RBFOX3: variants seen among roughly 807,000 people sequenced by gnomAD.
RBFOX3 encodes RNA binding protein fox-1 homolog 3.
In RBFOX3, 17 loss-of-function variants were observed where a neutral mutation model predicts 48.7. The observed-to-expected ratio is 0.35, with a 90% CI of 0.24 to 0.52. The LOEUF (loss-of-function observed/expected upper bound fraction) is 0.52. Ranked by LOEUF, RBFOX3 falls within the 20% of genes least tolerant of loss-of-function variation. The probability of loss-of-function intolerance (pLI) is 0.94; values close to 1 mark genes in which losing one functional copy is unlikely to be tolerated. For synonymous variants in RBFOX3, 212 were observed against 209.5 expected, an observed-to-expected ratio of 1.01 and a Z score of -0.10; for missense variants, 382 against 497.5, an observed-to-expected ratio of 0.77 and a Z score of 2.21.
chr17:79,314,220 T>C (rs1259702809), intron 2 of RBFOX3, among the ~76,000 whole-genome samples: 2 of 152,024 alleles, frequency 1.3e-5, no homozygotes, highest in Non-Finnish European at 2.9e-5. Context: ...CTTTCCCGAG[T>C]GACAAAGTAG....
intron 2 of RBFOX3, among the ~76,000 whole-genome samples, chr17:79,427,225 C>T (rs993610064): frequency 5.9e-5 from 9 of 152,184 alleles, no homozygotes; most frequent in African/African-American, 1.9e-4. Context: ...CCAATCTGTC[C>T]GGGGAAGCAG....
intron 1 of RBFOX3, among the ~76,000 whole-genome samples, chr17:79,607,629 G>C (rs2093863856): frequency 6.6e-6 from 1 of 152,176 alleles, no homozygotes; most frequent in Non-Finnish European, 1.5e-5. Flanking sequence ...CTGCGTATAT[G>C]GGGGAGGGGG....
At chr17:79,383,441 C>T (rs1370678884) in intron 2 of RBFOX3, among the ~76,000 whole-genome samples, 1 of 152,256 alleles carries the variant, frequency 6.6e-6, no homozygotes, top group Non-Finnish European at 1.5e-5. Flanking sequence ...CTTGTTTGAT[C>T]AAAGATTTAG....
chr17:79,175,858 C>A (rs1025866489), intron 4 of RBFOX3, among the ~76,000 whole-genome samples: 1 of 152,246 alleles, frequency 6.6e-6, no homozygotes, highest in African/African-American at 2.4e-5. Flanking sequence ...TAAAACCCTG[C>A]CTCAGAGGCT....
chr17:79,645,861 T>C, the RBFOX3 span, among the ~76,000 whole-genome samples: 4 of 152,036 alleles, frequency 2.6e-5, no homozygotes, highest in African/African-American at 9.7e-5. Context: ...GACACCCCCA[T>C]GGAGGGGCCC....
chr17:79,517,898 T>G (rs2149952042), intron 1 of RBFOX3, among the ~76,000 whole-genome samples: 1 of 152,328 alleles, frequency 6.6e-6, no homozygotes, highest in East Asian at 1.9e-4. Context: ...ATCCCTCACC[T>G]TCTTGAAAGC....
chr17:79,186,269 C>A (rs979212441), intron 4 of RBFOX3, among the ~76,000 whole-genome samples: 4 of 152,232 alleles, frequency 2.6e-5, no homozygotes, highest in African/African-American at 9.6e-5. Flanking sequence ...AAAATAATAC[C>A]TCCAGAAAAA....
intron 2 of RBFOX3, among the ~76,000 whole-genome samples, chr17:79,336,428 GA>G (rs34229023): frequency 0.85 from 127,798 of 150,290 alleles, 54,442 homozygotes; most frequent in Non-Finnish European, 0.89. Context: ...AAAATAAATT[GA>G]AAAAAAAAAT....
At chr17:79,620,300 C>A in the RBFOX3 span, among the ~76,000 whole-genome samples, 1 of 151,656 alleles carries the variant, frequency 6.6e-6, no homozygotes, top group East Asian at 2.0e-4. Context: ...CACGCACACA[C>A]GCACATGCAC....
chr17:79,108,829 A>G (rs2077941896), intron 5 of RBFOX3, among the ~76,000 whole-genome samples: 1 of 152,210 alleles, frequency 6.6e-6, no homozygotes, highest in Non-Finnish European at 1.5e-5. Context: ...CCTCCCCCGT[A>G]CCACAGCTTC....
At chr17:79,525,371 T>TA (rs1254070513) in intron 1 of RBFOX3, among the ~76,000 whole-genome samples, 5 of 152,284 alleles carry the variant, frequency 3.3e-5, no homozygotes, top group African/African-American at 1.2e-4. Flanking sequence ...ACCATTCTCC[T>TA]AAAAAAGAGT....
intron 1 of RBFOX3, among the ~76,000 whole-genome samples, chr17:79,609,933 C>T (rs2145551133): frequency 6.6e-6 from 1 of 152,056 alleles, no homozygotes; most frequent in South Asian, 2.1e-4. Flanking sequence ...CCGGGGCCAC[C>T]AGGGCAGAAA....
intron 2 of RBFOX3, among the ~76,000 whole-genome samples, chr17:79,465,167 C>T (rs1223873015): frequency 5.3e-5 from 8 of 152,202 alleles, no homozygotes; most frequent in Non-Finnish European, 7.3e-5. Flanking sequence ...AAACGCACCA[C>T]GACCTTGGCT....
chr17:79,528,841 A>G (rs2087228324), intron 1 of RBFOX3, among the ~76,000 whole-genome samples: 1 of 152,108 alleles, frequency 6.6e-6, no homozygotes, highest in Non-Finnish European at 1.5e-5. Context: ...CTCCCCTCGC[A>G]GGGGATGACC....
At position 79,559,583 on chromosome 17, in the gene RBFOX3, G is replaced by A. The variant is rs1406775939; in HGVS notation, c.-320+51243C>T. 5.3e-5 allele frequency among the ~76,000 whole-genome samples: 8 copies of A among 150,288 alleles called. 1 individual carries two copies. The Middle Eastern group carries it at 0.014, about 268-fold the overall frequency. ...GGTGGACAGATGGGTGAGTGGGTGG[G>A]GGGGTGGATGGAGAGTGATGAGTGA... On this transcript the variant is annotated intron_variant, in intron 1 of 14. Coordinates refer to ENST00000693108, the MANE Select transcript of RBFOX3 (RefSeq NM_001350451.2).
At chr17:79,217,558 A>AG (rs1333654192) in intron 4 of RBFOX3, among the ~76,000 whole-genome samples, 30 of 152,220 alleles carry the variant, frequency 2.0e-4, no homozygotes, top group Middle Eastern at 3.4e-3. Flanking sequence ...CTGCAGGCAG[A>AG]GGGGAGATGG....
chr17:79,417,414 G>A (rs529668350), intron 2 of RBFOX3, among the ~76,000 whole-genome samples: 17 of 152,292 alleles, frequency 1.1e-4, no homozygotes, highest in South Asian at 6.2e-4. Flanking sequence ...GAGCACCAGC[G>A]GCCTGGCTTG....
intron 3 of RBFOX3, among the ~76,000 whole-genome samples, chr17:79,277,427 AGC>A (rs1213431974): frequency 6.6e-6 from 1 of 152,228 alleles, no homozygotes; most frequent in East Asian, 1.9e-4. Flanking sequence ...AATAATCATT[AGC>A]TGAGGTTCTA....
intron 4 of RBFOX3, among the ~76,000 whole-genome samples, chr17:79,126,493 A>G (rs2037327218): frequency 6.6e-6 from 1 of 152,120 alleles, no homozygotes; most frequent in African/African-American, 2.4e-5. Context: ...TGTGGGTTCC[A>G]GTCCCTGGGG....
Sources: gnomAD v4.1 joint callset for allele counts (sites outside exome capture counted in the v4.1 genomes callset) on GRCh38, gnomAD v4.1.1 for gene constraint, MANE v1.5 for transcripts, NCBI Gene and HGNC (gene_info 2026-07-23, HGNC 2026-07-21) for gene names.